The following HMGCL variants were observed in gnomAD, a reference collection of about 807,000 sequenced individuals.
HMGCL encodes hydroxymethylglutaryl-CoA lyase, mitochondrial.
A neutral mutation model predicts 37.3 loss-of-function variants in HMGCL; 26 were observed. The ratio of observed to expected loss-of-function variants is 0.70; its 90% CI spans 0.51 to 0.97. HMGCL has a LOEUF of 0.97. Among genes scored for constraint, HMGCL ranks in the 50% least tolerant of loss-of-function variants. The pLI is 0.00. For synonymous variants in HMGCL, 151 were observed against 148.0 expected (o/e 1.02, Z -0.15); for missense variants, 379 against 398.1 (o/e 0.95, Z 0.41).
intron 1 of HMGCL, 73 bp downstream of exon 1, chr1:23,825,283 C>T (rs1287960128): frequency 5.3e-6 from 7 of 1,311,096 alleles, no homozygotes; most frequent in Non-Finnish European, 7.5e-6. Flanking sequence ...GAGCAGTCAC[C>T]ACGGGCCAAG....
chr1:23,804,532 A>G lies in HMGCL; in HGVS notation c.751-7T>C. ...CCACGACACTCACTCCCATCTAGAA[A>G]CATAAGGATGGTGAAACACAGTTGT... On this transcript the variant is annotated splice_polypyrimidine_tract_variant and splice_region_variant and intron_variant, in intron 7 of 8. Transcript: ENST00000374490. 6.2e-7 allele frequency: 1 copy of G among 1,614,120 alleles called. No homozygotes were observed. The highest frequency in any genetic ancestry group is 8.5e-7 in the Non-Finnish European group (1 of 1,180,000).
intron 5 of HMGCL, among the ~76,000 whole-genome samples, chr1:23,813,630 G>A (rs186788683): frequency 1.3e-5 from 2 of 152,012 alleles, no homozygotes; most frequent in African/African-American, 4.8e-5. Flanking sequence ...CCTGGGCCTC[G>A]GTTTTGTAAT....
chr1:23,824,526 C>T (rs1449066500), intron 1 of HMGCL, among the ~76,000 whole-genome samples: 2 of 152,112 alleles, frequency 1.3e-5, no homozygotes, highest in African/African-American at 4.8e-5. Flanking sequence ...GGACCCAGTG[C>T]CAGGAGTGTA....
chr1:23,804,468 G>A lies in HMGCL; in HGVS notation c.808C>T (p.Gln270Ter), dbSNP rs1638364218. Residue 270 changes from glutamine (Q) to a stop codon, truncating the protein, a stop_gained, in exon 8 of 9, where the codon CAG becomes TAG. Transcript: ENST00000374490. LOFTEE classifies it high-confidence loss of function. ...VAGLGGCPYA[Q>*]GASGNLATED... ...GTGGCCAAGTTTCCTGATGCCCCCT[G>A]TGCGTAGGGACAGCCTCCAAGTCCT... 2 of 1,613,988 alleles carry A rather than the reference G, an allele frequency of 1.2e-6. No homozygotes were observed. Among genetic ancestry groups the A allele is most frequent in the Admixed American group, 1.7e-5 (1 of 59,996 alleles).
intron 1 of HMGCL, among the ~76,000 whole-genome samples, chr1:23,821,824 C>T (rs1264909389): frequency 6.6e-6 from 1 of 152,126 alleles, no homozygotes; most frequent in East Asian, 1.9e-4. Context: ...CTTCTCTTCC[C>T]TCTGCCCCAG....
In HMGCL at chr1:23,808,612, T is replaced by C. The variant is rs540656775; in HGVS notation, c.562-289A>G. ...TGTGCCCCTCAGACTTCAGTCTCAC[T>C]TACGGCTGTCACATCATACTGTCAG... On this transcript the variant is annotated intron_variant, in intron 6 of 8. Transcript: ENST00000374490. Among the ~76,000 whole-genome samples, 148 of 152,328 alleles carry C rather than the reference T, an allele frequency of 9.7e-4. 2 individuals carry two copies. The highest frequency in any genetic ancestry group is 6.8e-3 in the Middle Eastern group (2 of 294).
At chr1:23,820,416 G>T in intron 2 of HMGCL, 94 bp downstream of exon 2, 1 of 868,278 alleles carries the variant, frequency 1.2e-6, no homozygotes, top group Non-Finnish European at 2.0e-6. Context: ...ATCACATCTT[G>T]CATAGCTCTG....
At chr1:23,803,040 CTTTT>C (rs918930340) in intron 8 of HMGCL, among the ~76,000 whole-genome samples, 2 of 147,442 alleles carry the variant, frequency 1.4e-5, no homozygotes, top group Admixed American at 1.4e-4. Context: ...ACTTTTCTTT[CTTTT>C]TTTTTTTGGA....
At chr1:23,819,753 G>A (rs1255849967) in intron 2 of HMGCL, among the ~76,000 whole-genome samples, 2 of 152,114 alleles carry the variant, frequency 1.3e-5, no homozygotes, top group African/African-American at 4.8e-5. Context: ...ACACACACGC[G>A]CGCGTGCGTA....
At chr1:23,809,178 T>A (rs1483122528) in intron 6 of HMGCL, 1 of 147,634 alleles carries the variant, frequency 6.8e-6, no homozygotes, top group African/African-American at 2.5e-5. Flanking sequence ...AGTGCTGGGA[T>A]TACAGTCATG....
chr1:23,821,875 T>C (rs2179395), intron 1 of HMGCL, among the ~76,000 whole-genome samples: 96,696 of 151,872 alleles, frequency 0.64, 31,225 homozygotes, highest in African/African-American at 0.77. Flanking sequence ...TGGCTGTTCT[T>C]ACATCTCTCT....
rs1638419059 is a variant in HMGCL, at chr1:23,806,828, G to A, written c.750+1307C>T. On this transcript the variant is annotated intron_variant, in intron 7 of 8. Transcript: ENST00000374490. The surrounding 1 kb of genome is among the most constrained non-coding windows in gnomAD (Gnocchi z 4.0). ...GTTAGGTTTTAATAGGTGAATAAATGGTCTTACAATGTGCTATTTACACGC... is the reference window on the plus strand; with the variant it reads ...GTTAGGTTTTAATAGGTGAATAAATAGTCTTACAATGTGCTATTTACACGC... 2 of 388,470 alleles carry A rather than the reference G, an allele frequency of 5.1e-6. No homozygotes were observed. The highest frequency in any genetic ancestry group is 1.9e-5 in the South Asian group (1 of 52,934). The allele number at this position is 388,470 out of a possible 1,614,324, so 24.1% of individuals were successfully genotyped here. A position where few individuals can be genotyped will look rare whatever the true frequency, so the allele number is the denominator to read the frequency against.
At chr1:23,810,498 T>C in intron 6 of HMGCL, 1 of 504,654 alleles carries the variant, frequency 2.0e-6, no homozygotes, top group Middle Eastern at 5.6e-4. Context: ...GAAACTGAAT[T>C]GGAGGTTTTC....
intron 5 of HMGCL, 123 bp downstream of exon 5, chr1:23,814,067 G>A (rs1638570463): frequency 2.0e-6 from 2 of 986,954 alleles, no homozygotes; most frequent in African/African-American, 1.6e-5. Context: ...AGATGTCTAG[G>A]TGTGGAGCTC....
At chr1:23,821,384 G>A (rs896084077) in intron 1 of HMGCL, among the ~76,000 whole-genome samples, 3 of 148,350 alleles carry the variant, frequency 2.0e-5, no homozygotes, top group African/African-American at 7.5e-5. Context: ...GGCCAGGCAC[G>A]GTGGCTCATG....
rs1570644175 is a variant in HMGCL at position 23,806,653 on chromosome 1, T to G, written c.750+1482A>C. 3.3e-6 allele frequency: 1 copy of G among 303,164 alleles called. No homozygotes were observed. The highest frequency in any genetic ancestry group is 8.8e-5 in the East Asian group (1 of 11,420). The allele number at this position is 303,164 out of a possible 1,614,324, so 18.8% of individuals were successfully genotyped here. A position where few individuals can be genotyped will look rare whatever the true frequency, so the allele number is the denominator to read the frequency against. On this transcript the variant is annotated intron_variant, in intron 7 of 8. Coordinates refer to ENST00000374490, the MANE Select transcript of HMGCL (RefSeq NM_000191.3). This position sits in a 1 kb window ranked among gnomAD's most constrained non-coding sequence, Gnocchi z 4.0. ...CCTGCTTCATTTTTTCTCCACAGTG[T>G]TTATGAACACCTGGCCTGCTGTATG...
rs1638446095 is a variant in HMGCL at position 23,808,153 on chromosome 1, G to A, written c.732C>T (p.Asn244=). Residue 244 remains asparagine (N), a synonymous_variant, in exon 7 of 9, where the codon AAC becomes AAT. Transcript: ENST00000374490. ...CHDTYGQALA[N]TLMALQMGVS... Reference sequence around the variant, plus strand: ...TGATTACCTGCAGGGCCATCAAGGTGTTGGCCAGGGCTTGACCATAGGTGT... The same window carrying A: ...TGATTACCTGCAGGGCCATCAAGGTATTGGCCAGGGCTTGACCATAGGTGT... 7 of 1,614,162 alleles carry A rather than the reference G, an allele frequency of 4.3e-6. No homozygotes were observed. Among genetic ancestry groups the A allele is most frequent in the Non-Finnish European group, 5.9e-6 (7 of 1,180,008 alleles).
At chr1:23,816,500 C>A in intron 4 of HMGCL, 175 bp downstream of exon 4, 2 of 715,624 alleles carry the variant, frequency 2.8e-6, no homozygotes, top group South Asian at 1.5e-5. Flanking sequence ...GGCTTGTCAA[C>A]TTGTCAAGAT....
chr1:23,821,903 G>C (rs958482639), intron 1 of HMGCL, among the ~76,000 whole-genome samples: 2 of 152,080 alleles, frequency 1.3e-5, no homozygotes, highest in African/African-American at 4.8e-5. Context: ...TTCAGTTGCA[G>C]AGAGGCTTCC....
Sources: gnomAD v4.1 joint callset for allele counts (sites outside exome capture counted in the v4.1 genomes callset) on GRCh38, gnomAD v4.1.1 for gene constraint, Gnocchi (gnomAD v3.1) non-coding constraint, MANE v1.5 for transcripts, NCBI Gene and HGNC (gene_info 2026-07-23, HGNC 2026-07-21) for gene names.